Variants in ARHGAP6 observed in about 807,000 individuals in gnomAD.
ARHGAP6 encodes rho GTPase-activating protein 6.
ARHGAP6 carries 16 observed loss-of-function variants against 55.7 expected under a neutral mutation model. The observed-to-expected ratio is 0.29, with a 90% confidence interval of 0.19 to 0.44. The LOEUF (loss-of-function observed/expected upper bound fraction) is 0.44, where lower values mean the gene tolerates loss of function less well. Ranked by LOEUF, ARHGAP6 falls within the 20% of genes least tolerant of loss-of-function variation. The probability of loss-of-function intolerance (pLI) is 1.00; values close to 1 mark genes in which losing one functional copy is unlikely to be tolerated. For missense variants in ARHGAP6, 698 were observed against 808.9 expected (o/e 0.86, Z 1.66); for synonymous variants, 382 against 360.9 (o/e 1.06, Z -0.66).
At chrX:11,356,396 T>A (rs1055167841) in intron 1 of ARHGAP6, among the ~76,000 whole-genome samples, 31 of 111,682 alleles carry the variant, frequency 2.8e-4, no homozygotes, top group African/African-American at 9.5e-4. Flanking sequence ...AACCTGCACA[T>A]TCTGCACATG....
intron 3 of ARHGAP6, among the ~76,000 whole-genome samples, chrX:11,190,478 TATAC>T (rs1337440913): frequency 1.0e-5 from 1 of 100,340 alleles, no homozygotes; most frequent in African/African-American, 3.6e-5. Context: ...TATATATATA[TATAC>T]ATATATCTAT....
At chrX:11,201,161 A>G (rs967346679) in intron 2 of ARHGAP6, among the ~76,000 whole-genome samples, 4 of 112,407 alleles carry the variant, frequency 3.6e-5, no homozygotes, top group South Asian at 3.7e-4. Flanking sequence ...ACGCACTAAT[A>G]TGAGAGTTAG....
chrX:11,612,128 G>A (rs1411855973), intron 1 of ARHGAP6, among the ~76,000 whole-genome samples: 1 of 111,619 alleles, frequency 9.0e-6, no homozygotes, highest in Admixed American at 9.5e-5. Flanking sequence ...GACCTGGAAG[G>A]GCCACATGTA....
At chrX:11,217,937 C>A (rs996168966) in intron 2 of ARHGAP6, among the ~76,000 whole-genome samples, 1 of 112,011 alleles carries the variant, frequency 8.9e-6, no homozygotes, top group Non-Finnish European at 1.9e-5. Context: ...ATATGGCTAG[C>A]CAGTTTCCCC....
chrX:11,313,377 T>C (rs1356410010), intron 1 of ARHGAP6, among the ~76,000 whole-genome samples: 1 of 112,508 alleles, frequency 8.9e-6, no homozygotes, highest in Non-Finnish European at 1.9e-5. Context: ...TCACCTTTCA[T>C]GCCTCCTCTC....
At chrX:11,483,190 C>T (rs979626897) in intron 1 of ARHGAP6, among the ~76,000 whole-genome samples, 6 of 111,761 alleles carry the variant, frequency 5.4e-5, no homozygotes, top group African/African-American at 2.0e-4. Context: ...TGTACACACA[C>T]CCTCTCCTGC....
intron 1 of ARHGAP6, among the ~76,000 whole-genome samples, chrX:11,433,409 C>G (rs1345603720): frequency 8.9e-6 from 1 of 111,794 alleles, no homozygotes; most frequent in Non-Finnish European, 1.9e-5. Flanking sequence ...CTCCATGCCA[C>G]AGAGCCAGGG....
At chrX:11,479,151 A>G (rs2050431531) in intron 1 of ARHGAP6, among the ~76,000 whole-genome samples, 1 of 112,293 alleles carries the variant, frequency 8.9e-6, no homozygotes, top group Admixed American at 9.4e-5. Context: ...CTGTGGTCAC[A>G]GTTAATCTGA....
At chrX:11,462,136 G>C (rs1233706843) in intron 1 of ARHGAP6, among the ~76,000 whole-genome samples, 6 of 112,213 alleles carry the variant, frequency 5.3e-5, no homozygotes, top group Admixed American at 1.9e-4. Flanking sequence ...GATAGTAAGA[G>C]TGTCTACTGG....
intron 1 of ARHGAP6, among the ~76,000 whole-genome samples, chrX:11,529,231 C>T (rs1270380845): frequency 8.9e-6 from 1 of 111,981 alleles, no homozygotes; most frequent in African/African-American, 3.2e-5. Context: ...GCTAAATTCT[C>T]AGTGTTCCCT....
At chrX:11,575,112 G>T (rs1195688454) in intron 1 of ARHGAP6, among the ~76,000 whole-genome samples, 1 of 111,194 alleles carries the variant, frequency 9.0e-6, no homozygotes, top group Admixed American at 9.6e-5. Context: ...TCAAATAATG[G>T]TCAATGGAAT....
At chrX:11,140,202 TAAAAA>T (rs773186297) in intron 12 of ARHGAP6, among the ~76,000 whole-genome samples, 1 of 98,958 alleles carries the variant, frequency 1.0e-5, no homozygotes, top group African/African-American at 3.7e-5. Context: ...AAAAAAAAAA[TAAAAA>T]AAAAAATTAA....
At chrX:11,259,381 A>T (rs1025339755) in intron 1 of ARHGAP6, among the ~76,000 whole-genome samples, 3 of 111,017 alleles carry the variant, frequency 2.7e-5, no homozygotes, top group Middle Eastern at 4.7e-3. Flanking sequence ...TTCTTTGTCC[A>T]TTTTTTTTCC....
At chrX:11,190,922 T>C (rs1261426542) in intron 3 of ARHGAP6, among the ~76,000 whole-genome samples, 1 of 112,491 alleles carries the variant, frequency 8.9e-6, no homozygotes, top group East Asian at 2.8e-4. Flanking sequence ...CTGCTGTACC[T>C]GTGCCCTCCA....
At chrX:11,331,052 A>T (rs538442498) in intron 1 of ARHGAP6, among the ~76,000 whole-genome samples, 1 of 112,033 alleles carries the variant, frequency 8.9e-6, no homozygotes, top group South Asian at 3.7e-4. Context: ...CATGGAAACT[A>T]GAATCCCTTT....
intron 10 of ARHGAP6, among the ~76,000 whole-genome samples, chrX:11,146,689 G>T (rs2045696547): frequency 8.9e-6 from 1 of 112,284 alleles, no homozygotes; most frequent in African/African-American, 3.2e-5. Context: ...ACCTGAGTCT[G>T]GGATTGAGTG....
chrX:11,190,473 A>ATATATATATATACACACATATATATG lies in ARHGAP6; in HGVS notation c.821-1490_821-1489insCATATATATGTGTGTATATATATATA, dbSNP rs1555967766. 3.6e-4 allele frequency among the ~76,000 whole-genome samples: 36 copies of ATATATATATATACACACATATATATG among 100,366 alleles called. No individual in the cohort carries two copies. The South Asian group carries it at 4.3e-3, about 12-fold the overall frequency. 87.2% of individuals were successfully genotyped at this position (100,366 alleles called of 115,157 possible). A position where few individuals can be genotyped will look rare whatever the true frequency, so the allele number is the denominator to read the frequency against. Reference sequence around the variant, plus strand: ...GTACCCTGAGGAGATATATATATATATATATATACATATATCTATATAGAT... The same window carrying ATATATATATATACACACATATATATG: ...GTACCCTGAGGAGATATATATATATATATATATATATACACACATATATATGTATATATACATATATCTATATAGAT... On this transcript the variant is annotated intron_variant, in intron 3 of 12. Transcript: ENST00000337414.
intron 1 of ARHGAP6, among the ~76,000 whole-genome samples, chrX:11,524,551 T>G (rs1293254416): frequency 5.4e-5 from 6 of 111,189 alleles, no homozygotes; most frequent in Non-Finnish European, 1.1e-4. Context: ...ATTGGATGCT[T>G]TGGTCTATTT....
chrX:11,345,656 C>A (rs1409952050), intron 1 of ARHGAP6, among the ~76,000 whole-genome samples: 1 of 111,804 alleles, frequency 8.9e-6, no homozygotes, highest in Admixed American at 9.5e-5. Context: ...GGCCAAGGGG[C>A]TGCATCCCAC....
Sources: gnomAD v4.1 joint callset for allele counts (sites outside exome capture counted in the v4.1 genomes callset) on GRCh38, gnomAD v4.1.1 for gene constraint, MANE v1.5 for transcripts, NCBI Gene and HGNC (gene_info 2026-07-23, HGNC 2026-07-21) for gene names.